HPSE: variants seen among roughly 807,000 people sequenced by gnomAD.
HPSE encodes endo-glucoronidase.
In HPSE, 48 loss-of-function variants were observed where a neutral mutation model predicts 65.1. The ratio of observed to expected loss-of-function variants is 0.74; its 90% CI spans 0.58 to 0.94. The LOEUF (loss-of-function observed/expected upper bound fraction) is 0.94. Ranked by LOEUF, HPSE falls within the 40% of genes least tolerant of loss-of-function variation. HPSE has a pLI of 0.00. For missense variants in HPSE, 644 were observed against 637.5 expected, an observed-to-expected ratio of 1.01 and a Z score of -0.11; for synonymous variants, 243 against 260.0, an observed-to-expected ratio of 0.93 and a Z score of 0.63.
At chr4:83,313,082 C>T in intron 4 of HPSE, 32 bp downstream of exon 4, 1 of 1,397,098 alleles carries the variant, frequency 7.2e-7, no homozygotes, top group Non-Finnish European at 9.9e-7. Context: ...GGGGGATCTC[C>T]TTATTAATGA....
intron 1 of HPSE, among the ~76,000 whole-genome samples, chr4:83,331,303 A>G (rs1241068087): frequency 2.0e-5 from 3 of 152,106 alleles, no homozygotes; most frequent in Non-Finnish European, 4.4e-5. Flanking sequence ...AATAATAAAT[A>G]CCTCATTAAT....
rs781073906 is a variant in HPSE at position 83,313,105 on chromosome 4, G to A, written c.673+9C>T. The A allele has an allele frequency of 1.9e-6, 3 of 1,572,036 alleles. No homozygotes were observed. In the African/African-American group the frequency reaches 4.1e-5, roughly 21 times the overall value. On this transcript the variant is annotated intron_variant, in intron 4 of 11. Coordinates refer to ENST00000311412, the MANE Select transcript of HPSE (RefSeq NM_001098540.3). ...TCCTTATTAATGAATTGTTCCCTGG[G>A]GTACTCACCATTGCCTAGTTCCCAA...
intron 2 of HPSE, among the ~76,000 whole-genome samples, chr4:83,321,270 C>A (rs1482674930): frequency 6.6e-6 from 1 of 152,174 alleles, no homozygotes; most frequent in Non-Finnish European, 1.5e-5. Flanking sequence ...ACCCATCTGT[C>A]TTTTTCTATT....
At chr4:83,334,357 AC>A (rs1228245404) in intron 1 of HPSE, among the ~76,000 whole-genome samples, 198 bp downstream of exon 1, 1 of 151,924 alleles carries the variant, frequency 6.6e-6, no homozygotes. Flanking sequence ...TTTAAATGAT[AC>A]CCCCCAAAAA....
chr4:83,298,070 T>C (rs1035199637), intron 11 of HPSE, among the ~76,000 whole-genome samples: 1 of 152,250 alleles, frequency 6.6e-6, no homozygotes, highest in Non-Finnish European at 1.5e-5. Flanking sequence ...TGTATATTTA[T>C]CTAAAAGATG....
chr4:83,310,027 T>G lies in HPSE; in HGVS notation c.890+4A>C. ...CTAGTATTAAGAATAGGAGACATAC[T>G]TACTGATGCCATGTAACTGAATCAA... is the stretch of plus-strand genomic sequence containing the variant. On this transcript the variant is annotated splice_donor_region_variant and intron_variant, in intron 6 of 11. Transcript: ENST00000311412. The G allele has an allele frequency of 1.2e-6, 2 of 1,606,466 alleles. No homozygotes were observed. Among genetic ancestry groups the G allele is most frequent in the Non-Finnish European group, 1.7e-6 (2 of 1,174,380 alleles).
chr4:83,318,187 T>C (rs1334670487), intron 3 of HPSE, among the ~76,000 whole-genome samples: 1 of 152,248 alleles, frequency 6.6e-6, no homozygotes, highest in African/African-American at 2.4e-5. Context: ...CAAAGTATAG[T>C]AACTTCAAGA....
chr4:83,322,941 C>T (rs951479810), intron 1 of HPSE, among the ~76,000 whole-genome samples: 2 of 151,794 alleles, frequency 1.3e-5, no homozygotes, highest in Non-Finnish European at 2.9e-5. Context: ...GCTGAGATTA[C>T]AGGCATGAGC....
At position 83,322,268 on chromosome 4, in the gene HPSE, C is replaced by T; in HGVS notation, c.324G>A (p.Lys108=). The T allele has an allele frequency of 2.5e-6, 4 of 1,613,918 alleles. No homozygotes were observed. The highest frequency in any genetic ancestry group is 3.4e-6 in the Non-Finnish European group (4 of 1,179,890). ...AACTTCTCTCTTCAAAGGTTGATTC[C>T]TTCTTGGGATCGAAAATTAGGAAGT... ...KTDFLIFDPK[K]ESTFEERSYW... is the part of the protein sequence containing the mutation. The change falls in exon 2 of 12, where the codon AAG becomes AAA. Residue 108 remains lysine (K), a synonymous_variant. Transcript: ENST00000311412.
Position 83,326,626 on chromosome 4 carries a change from C to A in HPSE, c.228-4262G>T, listed in dbSNP as rs1274822193. On this transcript the variant is annotated intron_variant, in intron 1 of 11. Coordinates refer to ENST00000311412, the MANE Select transcript of HPSE (RefSeq NM_001098540.3). The surrounding 1 kb of genome is among the most constrained non-coding windows in gnomAD (Gnocchi z 4.2). ...AGGCCGGGAATATAGACAGGCGAGT[C>A]CTCAGTAGAAATGTCAGGGACTGGC... 6.6e-6 allele frequency among the ~76,000 whole-genome samples: 1 copy of A among 152,166 alleles called. No homozygotes were observed. The highest frequency in any genetic ancestry group is 1.5e-5 in the Non-Finnish European group (1 of 68,026).
chr4:83,309,375 C>T, intron 7 of HPSE, 27 bp downstream of exon 7: 1 of 1,159,848 alleles, frequency 8.6e-7, no homozygotes, highest in Non-Finnish European at 1.3e-6. Context: ...TCTGGTTTTA[C>T]ATTAAAAAGT....
At chr4:83,306,095 A>G (rs1736137051) in intron 9 of HPSE, 108 bp downstream of exon 9, 1 of 628,454 alleles carries the variant, frequency 1.6e-6, no homozygotes, top group Non-Finnish European at 2.9e-6. Context: ...TCATCTCATG[A>G]TTTGGCTAGT....
chr4:83,310,771 C>CAT lies in HPSE; in HGVS notation c.791_792dup (p.Gly265MetfsTer16). The CAT allele has an allele frequency of 6.2e-7, 1 of 1,614,098 alleles. No individual in the cohort carries two copies. The highest frequency in any genetic ancestry group is 8.5e-7 in the Non-Finnish European group (1 of 1,179,998). On this transcript the variant is annotated frameshift_variant, in exon 5 of 12. Transcript: ENST00000311412. LOFTEE classifies it high-confidence loss of function. The stretch of plus-strand genomic sequence containing the variant: ...CTTCGAGGCTGACCAACATCAGGAC[C>CAT]ATAGAGTTTTGCATTTTTGAAGGTG...
At position 83,308,912 on chromosome 4, in the gene HPSE, C is replaced by T; in HGVS notation, c.1024G>A (p.Gly342Arg). Reference sequence around the variant, plus strand: ...CCTCCATATGCAGAGCTTGTTTCTCCTAACCAGACCTTCTTGCCAGGCCTG... The same window carrying T: ...CCTCCATATGCAGAGCTTGTTTCTCTTAACCAGACCTTCTTGCCAGGCCTG... ...STRPGKKVWLGETSSAYGGGA... is the reference protein window; with the variant it reads ...STRPGKKVWLRETSSAYGGGA... Residue 342 changes from glycine (G) to arginine (R), a missense_variant, in exon 8 of 12, where the codon GGA (glycine) becomes AGA (arginine). Gly to Arg is a moderately radical substitution (Grantham distance 125). Coordinates refer to ENST00000311412, the MANE Select transcript of HPSE (RefSeq NM_001098540.3). 1 of 1,614,208 alleles carries T rather than the reference C, an allele frequency of 6.2e-7. No individual in the cohort carries two copies. The highest frequency in any genetic ancestry group is 2.2e-5 in the East Asian group (1 of 44,884).
chr4:83,308,374 C>G (rs2126186921), intron 8 of HPSE, among the ~76,000 whole-genome samples: 1 of 152,202 alleles, frequency 6.6e-6, no homozygotes, highest in Admixed American at 6.5e-5. Context: ...CCACTGCCCT[C>G]CAGTCTGGGT....
chr4:83,298,740 A>C (rs1474530519), intron 11 of HPSE, among the ~76,000 whole-genome samples: 6 of 152,252 alleles, frequency 3.9e-5, no homozygotes, highest in Admixed American at 6.5e-5. Flanking sequence ...AGGAGGAAGG[A>C]TCACTTGAGC....
At position 83,295,308 on chromosome 4, in the gene HPSE, T is replaced by C. The variant is rs773627443; in HGVS notation, c.*36A>G. The C allele has an allele frequency of 1.9e-6, 3 of 1,554,786 alleles. No individual in the cohort carries two copies. Among genetic ancestry groups the C allele is most frequent in the South Asian group, 2.4e-5 (2 of 83,868 alleles). On this transcript the variant is annotated 3_prime_UTR_variant, in exon 12 of 12. Transcript: ENST00000311412. ...TGAGTTGCTTTACTCTTAGTATACT[T>C]GAAAAATTCAGTGTCAGGACTAGTA... is the stretch of plus-strand genomic sequence containing the variant.
chr4:83,312,562 C>G (rs931220881), intron 4 of HPSE, among the ~76,000 whole-genome samples: 1 of 148,944 alleles, frequency 6.7e-6, no homozygotes, highest in Non-Finnish European at 1.5e-5. Context: ...CGTGTAGTCC[C>G]AGCTACTCGG....
chr4:83,301,647 G>A (rs557536681), intron 10 of HPSE, among the ~76,000 whole-genome samples: 18 of 152,232 alleles, frequency 1.2e-4, no homozygotes, highest in Middle Eastern at 6.8e-3. Context: ...ATCGGAAATG[G>A]TAGCTGGTCT....
Sources: allele counts gnomAD v4.1 joint callset (sites outside exome capture counted in the v4.1 genomes callset), GRCh38; gene constraint gnomAD v4.1.1; non-coding constraint Gnocchi (gnomAD v3.1); transcripts MANE v1.5; gene names NCBI Gene and HGNC (gene_info 2026-07-23, HGNC 2026-07-21).